STXBP5L: variants seen among roughly 807,000 people sequenced by gnomAD.
STXBP5L encodes the protein syntaxin-binding protein 5-like.
A neutral mutation model predicts 144.5 loss-of-function variants in STXBP5L; 65 were observed. That is an observed-to-expected ratio of 0.45 (90% CI 0.37 to 0.55). The LOEUF is 0.55. Ranked by LOEUF, STXBP5L falls within the 20% of genes least tolerant of loss-of-function variation. The probability of loss-of-function intolerance (pLI) is 0.00; values close to 1 mark genes in which losing one functional copy is unlikely to be tolerated. For synonymous variants in STXBP5L, 505 were observed against 469.6 expected, an observed-to-expected ratio of 1.08 and a Z score of -0.97; for missense variants, 1,298 against 1,405.5, an observed-to-expected ratio of 0.92 and a Z score of 1.22.
intron 19 of STXBP5L, among the ~76,000 whole-genome samples, chr3:121,316,451 G>T (rs1471024947): frequency 6.6e-6 from 1 of 152,150 alleles, no homozygotes; most frequent in African/African-American, 2.4e-5. Flanking sequence ...TATACATCAT[G>T]CTTTCTTACT....
chr3:121,349,205 T>C (rs1488209774), intron 20 of STXBP5L, among the ~76,000 whole-genome samples: 1 of 152,254 alleles, frequency 6.6e-6, no homozygotes, highest in East Asian at 1.9e-4. Flanking sequence ...CTGCCTTCAT[T>C]TTGTTATGTA....
intron 5 of STXBP5L, among the ~76,000 whole-genome samples, chr3:121,066,361 CG>C (rs960759241): frequency 2.9e-5 from 3 of 103,596 alleles, no homozygotes; most frequent in Non-Finnish European, 5.8e-5. Flanking sequence ...TTCCTATAAG[CG>C]TATATATATA....
At chr3:120,925,041 A>G (rs748194125) in intron 2 of STXBP5L, 1 of 152,206 alleles carries the variant, frequency 6.6e-6, no homozygotes, top group Non-Finnish European at 1.5e-5. Flanking sequence ...GTATTCCTGT[A>G]TAGCTTTATA....
intron 2 of STXBP5L, among the ~76,000 whole-genome samples, chr3:120,934,695 A>C (rs1710166436): frequency 6.6e-6 from 1 of 152,092 alleles, no homozygotes; most frequent in Admixed American, 6.6e-5. Context: ...ATAGACATTA[A>C]GGATTCTTAT....
rs1287037947 is a variant in STXBP5L at position 121,421,238 on chromosome 3, T to C, written c.*2141T>C. ...AAACTAAAAGAGTAAAATATTAGTT[T>C]ATTTTAGAAATAATGAAATTCAGTC... On this transcript the variant is annotated 3_prime_UTR_variant, in exon 27 of 27. Transcript: ENST00000471454. 6.6e-6 allele frequency: 1 copy of C among 152,200 alleles called. No individual in the cohort carries two copies. Among genetic ancestry groups the C allele is most frequent in the East Asian group, 1.9e-4 (1 of 5,206 alleles). The allele number at this position is 152,200 out of a possible 1,614,324, so 9.4% of individuals were successfully genotyped here.
At chr3:121,165,775 G>A (rs1234626158) in intron 9 of STXBP5L, among the ~76,000 whole-genome samples, 1 of 152,060 alleles carries the variant, frequency 6.6e-6, no homozygotes, top group Non-Finnish European at 1.5e-5. Flanking sequence ...ACTGCAAATG[G>A]TGCGAACTTC....
chr3:121,165,848 A>AC (rs2108037354), intron 9 of STXBP5L, among the ~76,000 whole-genome samples: 1 of 151,732 alleles, frequency 6.6e-6, no homozygotes, highest in African/African-American at 2.4e-5. Flanking sequence ...TTCTCCGGGC[A>AC]CCCCTTTATA....
At position 121,191,910 on chromosome 3, in the gene STXBP5L, C is replaced by A. The variant is rs532100765; in HGVS notation, c.878-14013C>A. ...GAATTGAACAATGAGAACACTGGGA[C>A]ACAGGGTGGGGAACATCACACACAG... On this transcript the variant is annotated intron_variant, in intron 9 of 26. Transcript: ENST00000471454. Among the ~76,000 whole-genome samples the A allele has an allele frequency of 2.8e-5, 4 of 143,310 alleles. No individual in the cohort carries two copies. In the Admixed American group the frequency reaches 2.9e-4, roughly 11 times the overall value. The allele number at this position is 143,310 out of a possible 152,430, so 94.0% of individuals were successfully genotyped here. A position where few individuals can be genotyped will look rare whatever the true frequency, so the allele number is the denominator to read the frequency against.
intron 3 of STXBP5L, among the ~76,000 whole-genome samples, chr3:120,958,216 T>A (rs1938277206): frequency 6.6e-6 from 1 of 152,064 alleles, no homozygotes; most frequent in Non-Finnish European, 1.5e-5. Context: ...AGGAAGAAAT[T>A]GAATCTCTGA....
intron 25 of STXBP5L, among the ~76,000 whole-genome samples, chr3:121,417,126 A>G (rs1215513901): frequency 6.6e-6 from 1 of 152,216 alleles, no homozygotes; most frequent in African/African-American, 2.4e-5. Context: ...GCAAATTCAG[A>G]AAGACTGAAA....
At chr3:121,413,587 A>G (rs1218878467) in intron 24 of STXBP5L, among the ~76,000 whole-genome samples, 1 of 152,162 alleles carries the variant, frequency 6.6e-6, no homozygotes, top group Non-Finnish European at 1.5e-5. Context: ...GTTTTTGCCT[A>G]TGGAGAATCT....
At chr3:120,936,992 G>T (rs1212794005) in intron 2 of STXBP5L, among the ~76,000 whole-genome samples, 1 of 152,146 alleles carries the variant, frequency 6.6e-6, no homozygotes, top group Non-Finnish European at 1.5e-5. Flanking sequence ...ACCTTCACAA[G>T]TGCTTCTCAG....
intron 20 of STXBP5L, among the ~76,000 whole-genome samples, chr3:121,331,394 C>T (rs532567739): frequency 6.6e-6 from 1 of 152,182 alleles, no homozygotes; most frequent in Non-Finnish European, 1.5e-5. Context: ...CTTTCTGGAA[C>T]ATTTCAGGGT....
At chr3:121,020,420 G>C (rs373427845) in intron 3 of STXBP5L, among the ~76,000 whole-genome samples, 2 of 152,104 alleles carry the variant, frequency 1.3e-5, no homozygotes, top group African/African-American at 4.8e-5. Flanking sequence ...GAACACCTGG[G>C]AAATTTATTG....
intron 3 of STXBP5L, among the ~76,000 whole-genome samples, chr3:120,978,382 G>A (rs922558205): frequency 1.3e-5 from 2 of 152,096 alleles, no homozygotes; most frequent in African/African-American, 2.4e-5. Flanking sequence ...TCAAGCCTTG[G>A]CTTTCAGCTC....
intron 9 of STXBP5L, among the ~76,000 whole-genome samples, chr3:121,182,929 G>A (rs1168190606): frequency 1.3e-5 from 2 of 152,098 alleles, no homozygotes; most frequent in African/African-American, 2.4e-5. Flanking sequence ...CTAGCTAACC[G>A]AATTTAACAG....
At chr3:121,029,332 T>C (rs1441348297) in intron 3 of STXBP5L, among the ~76,000 whole-genome samples, 1 of 151,800 alleles carries the variant, frequency 6.6e-6, no homozygotes, top group African/African-American at 2.4e-5. Flanking sequence ...ACAAAACAGA[T>C]ATATAGACCA....
At chr3:121,348,265 A>T (rs1481863379) in intron 20 of STXBP5L, among the ~76,000 whole-genome samples, 5 of 152,048 alleles carry the variant, frequency 3.3e-5, no homozygotes, top group African/African-American at 1.2e-4. Context: ...ATGTTTATTG[A>T]CTTGCATATG....
At chr3:121,187,142 T>C (rs1386861662) in intron 9 of STXBP5L, among the ~76,000 whole-genome samples, 3 of 152,056 alleles carry the variant, frequency 2.0e-5, no homozygotes, top group African/African-American at 7.2e-5. Flanking sequence ...CTATTCACAA[T>C]AGCAAAGACT....
Sources: allele counts gnomAD v4.1 joint callset (sites outside exome capture counted in the v4.1 genomes callset), GRCh38; gene constraint gnomAD v4.1.1; transcripts MANE v1.5; gene names NCBI Gene and HGNC (gene_info 2026-07-23, HGNC 2026-07-21).